NRG3: variants seen among roughly 807,000 people sequenced by gnomAD.
NRG3 encodes the protein neuregulin 3, also known as pro-neuregulin-3, membrane-bound isoform.
In NRG3, 31 loss-of-function variants were observed where a neutral mutation model predicts 66.9. The ratio of observed to expected loss-of-function variants is 0.46; its 90% CI spans 0.35 to 0.63. The LOEUF is 0.63. NRG3 is among the 20% of genes least tolerant of loss of function. NRG3 has a pLI of 0.00. For missense variants in NRG3, 910 were observed against 878.9 expected, an observed-to-expected ratio of 1.04 and a Z score of -0.45; for synonymous variants, 393 against 359.4, an observed-to-expected ratio of 1.09 and a Z score of -1.06.
chr10:82,660,151 G>A (rs1383687264), intron 2 of NRG3, among the ~76,000 whole-genome samples: 4 of 127,998 alleles, frequency 3.1e-5, no homozygotes, highest in African/African-American at 8.9e-5. Flanking sequence ...AGCTGAGACC[G>A]GGACATTGCA....
chr10:82,862,987 T>C (rs183779696), intron 3 of NRG3, among the ~76,000 whole-genome samples: 1 of 152,262 alleles, frequency 6.6e-6, no homozygotes, highest in East Asian at 1.9e-4. Flanking sequence ...ATTACGTATT[T>C]GTCCTAATGC....
At chr10:82,253,697 A>G (rs1455131159) in intron 1 of NRG3, among the ~76,000 whole-genome samples, 1 of 152,162 alleles carries the variant, frequency 6.6e-6, no homozygotes, top group Non-Finnish European at 1.5e-5. Context: ...ATGTGTTTAG[A>G]TCCTACATTT....
chr10:82,908,986 C>T (rs755237187), intron 4 of NRG3, among the ~76,000 whole-genome samples: 6 of 152,318 alleles, frequency 3.9e-5, no homozygotes, highest in East Asian at 3.9e-4. Flanking sequence ...GTAGACACCA[C>T]GCCCCAGATG....
At position 82,912,833 on chromosome 10, in the gene NRG3, A is replaced by C. The variant is rs539288664; in HGVS notation, c.1055-38636A>C. On this transcript the variant is annotated intron_variant, in intron 4 of 8. Transcript: ENST00000372141. ...AGCATATCAATTATGTTTTCTAGATATATTTTGTTAGTGATTCCCTACAGT... is the reference window on the plus strand; with the variant it reads ...AGCATATCAATTATGTTTTCTAGATCTATTTTGTTAGTGATTCCCTACAGT... 6.6e-5 allele frequency among the ~76,000 whole-genome samples: 10 copies of C among 152,232 alleles called. No individual in the cohort carries two copies. The East Asian group carries it at 1.9e-3, about 29-fold the overall frequency.
chr10:81,915,496 G>GTTTTTT (rs78693924), intron 1 of NRG3, among the ~76,000 whole-genome samples: 2 of 130,734 alleles, frequency 1.5e-5, no homozygotes, highest in African/African-American at 3.1e-5. Context: ...CACTTCTTTA[G>GTTTTTT]TTTTTTTTTT....
At chr10:82,789,732 C>T (rs913960222) in intron 3 of NRG3, among the ~76,000 whole-genome samples, 2 of 152,012 alleles carry the variant, frequency 1.3e-5, no homozygotes, top group Non-Finnish European at 2.9e-5. Flanking sequence ...TCTTTGTTTT[C>T]AGGCATTATG....
intron 2 of NRG3, among the ~76,000 whole-genome samples, chr10:82,424,561 A>G (rs990074624): frequency 1.3e-5 from 2 of 152,094 alleles, no homozygotes; most frequent in African/African-American, 4.8e-5. Flanking sequence ...GGCATATGAC[A>G]TCCAAATATT....
At chr10:82,519,545 A>T (rs1375306837) in intron 2 of NRG3, among the ~76,000 whole-genome samples, 1 of 152,070 alleles carries the variant, frequency 6.6e-6, no homozygotes, top group East Asian at 1.9e-4. Context: ...CTTCATAGGA[A>T]CACTCCACCA....
At chr10:82,737,781 T>C (rs988329758) in intron 2 of NRG3, among the ~76,000 whole-genome samples, 1 of 152,170 alleles carries the variant, frequency 6.6e-6, no homozygotes, top group Non-Finnish European at 1.5e-5. Flanking sequence ...GCAGCCCTGA[T>C]TGAGCGAGCT....
At chr10:82,180,355 T>A (rs1201205389) in intron 1 of NRG3, among the ~76,000 whole-genome samples, 2 of 151,990 alleles carry the variant, frequency 1.3e-5, no homozygotes, top group Non-Finnish European at 2.9e-5. Flanking sequence ...TTTTAACTGT[T>A]GAATATGTTG....
chr10:82,329,550 TAG>T (rs1763557766), intron 1 of NRG3, among the ~76,000 whole-genome samples: 1 of 151,882 alleles, frequency 6.6e-6, no homozygotes, highest in South Asian at 2.1e-4. Flanking sequence ...ACAGGGGTTA[TAG>T]AGCACACAAC....
chr10:82,702,439 C>G (rs193286151), intron 2 of NRG3, among the ~76,000 whole-genome samples: 3,313 of 152,184 alleles, frequency 0.022, 135 homozygotes, highest in African/African-American at 0.076. Context: ...GTATTTCCCA[C>G]CAAAACAGTG....
intron 2 of NRG3, among the ~76,000 whole-genome samples, chr10:82,660,503 T>A (rs1455793903): frequency 6.6e-6 from 1 of 152,162 alleles, no homozygotes; most frequent in Non-Finnish European, 1.5e-5. Flanking sequence ...TTAAAATTGC[T>A]TTTGCAAGTG....
At chr10:82,921,692 T>G (rs572058944) in intron 4 of NRG3, among the ~76,000 whole-genome samples, 15 of 152,314 alleles carry the variant, frequency 9.8e-5, no homozygotes, top group African/African-American at 1.4e-4. Flanking sequence ...ATTCTGTGCT[T>G]CTTCTATTTC....
rs191741890 is a variant in NRG3 at position 82,782,610 on chromosome 10, C to T, written c.1027+43960C>T. Among the ~76,000 whole-genome samples the T allele has an allele frequency of 6.0e-3, 914 of 151,960 alleles. 9 individuals carry two copies. Among genetic ancestry groups the T allele is most frequent in the African/African-American group, 0.02 (824 of 41,424 alleles). On this transcript the variant is annotated intron_variant, in intron 3 of 8. Transcript: ENST00000372141. Reference sequence around the variant, plus strand: ...CAGCTTTGGAGTTGGGTAATGGCTACGGGCTAGAAGAATTTGAATGAGCAA... The same window carrying T: ...CAGCTTTGGAGTTGGGTAATGGCTATGGGCTAGAAGAATTTGAATGAGCAA...
intron 2 of NRG3, among the ~76,000 whole-genome samples, chr10:82,397,364 A>G (rs1446729347): frequency 6.6e-6 from 1 of 152,240 alleles, no homozygotes; most frequent in African/African-American, 2.4e-5. Flanking sequence ...ATTATTATTT[A>G]GAATACAAAA....
chr10:82,756,058 C>T (rs1294444750), intron 3 of NRG3, among the ~76,000 whole-genome samples: 2 of 151,658 alleles, frequency 1.3e-5, no homozygotes, highest in Admixed American at 6.6e-5. Context: ...AAACTGAAAA[C>T]GTACCGTTTG....
intron 2 of NRG3, among the ~76,000 whole-genome samples, chr10:82,367,368 AG>A (rs1176539422): frequency 1.3e-5 from 2 of 152,178 alleles, no homozygotes; most frequent in Non-Finnish European, 2.9e-5. Context: ...TGAGAGTGCT[AG>A]CAACTAAAAC....
At chr10:82,879,312 T>G (rs1226604132) in intron 4 of NRG3, among the ~76,000 whole-genome samples, 1 of 152,158 alleles carries the variant, frequency 6.6e-6, no homozygotes, top group African/African-American at 2.4e-5. Context: ...AACTCTTAAG[T>G]TGCTTAAATG....
Sources: gnomAD v4.1 joint callset for allele counts (sites outside exome capture counted in the v4.1 genomes callset) on GRCh38, gnomAD v4.1.1 for gene constraint, MANE v1.5 for transcripts, NCBI Gene and HGNC (gene_info 2026-07-23, HGNC 2026-07-21) for gene names.